The following COL28A1 variants were observed in gnomAD, a reference collection of about 807,000 sequenced individuals.
The protein encoded by COL28A1 is collagen type XXVIII alpha 1 chain.
COL28A1 carries 161 observed loss-of-function variants against 150.2 expected under a neutral mutation model. The observed-to-expected ratio is 1.07, with a 90% confidence interval of 0.94 to 1.22. COL28A1 has a LOEUF of 1.22. Among genes scored for constraint, COL28A1 ranks in the 50% most tolerant of loss-of-function variants. COL28A1 has a pLI of 0.00. For missense variants in COL28A1, 1,617 were observed against 1,388.3 expected (o/e 1.16, Z -2.62); for synonymous variants, 552 against 469.7 (o/e 1.18, Z -2.26).
intron 33 of COL28A1, among the ~76,000 whole-genome samples, chr7:7,368,803 C>T (rs981228260): frequency 6.6e-6 from 1 of 152,194 alleles, no homozygotes; most frequent in Non-Finnish European, 1.5e-5. Flanking sequence ...GCCACTCAGT[C>T]TATGGTATTT....
chr7:7,500,751 GT>G (rs1780476021), intron 11 of COL28A1, among the ~76,000 whole-genome samples: 1 of 151,834 alleles, frequency 6.6e-6, no homozygotes, highest in African/African-American at 2.4e-5. Context: ...TCTAGCTCTT[GT>G]TTACTGAATC....
chr7:7,341,056 C>T, the COL28A1 span, among the ~76,000 whole-genome samples: 1 of 152,160 alleles, frequency 6.6e-6, no homozygotes, highest in Non-Finnish European at 1.5e-5. Context: ...CAGTCATCAC[C>T]TCTGTGTGCT....
At chr7:7,529,328 A>G (rs1207366242) in intron 3 of COL28A1, among the ~76,000 whole-genome samples, 3 of 150,924 alleles carry the variant, frequency 2.0e-5, no homozygotes, top group Non-Finnish European at 1.5e-5. Flanking sequence ...TGCCTTCTAG[A>G]TGGTGGCAAT....
intron 13 of COL28A1, among the ~76,000 whole-genome samples, chr7:7,484,217 A>G (rs1288043617): frequency 6.6e-6 from 1 of 152,200 alleles, no homozygotes; most frequent in Non-Finnish European, 1.5e-5. Flanking sequence ...TAAAGCAAAA[A>G]TGAATTACTA....
intron 27 of COL28A1, among the ~76,000 whole-genome samples, chr7:7,388,435 T>C (rs1005468934): frequency 2.0e-5 from 3 of 152,166 alleles, no homozygotes; most frequent in Admixed American, 2.0e-4. Flanking sequence ...GTTGGTTCCA[T>C]GCCTTTGCTA....
At chr7:7,430,080 T>C (rs1364956452) in intron 25 of COL28A1, among the ~76,000 whole-genome samples, 2 of 152,242 alleles carry the variant, frequency 1.3e-5, no homozygotes, top group Non-Finnish European at 2.9e-5. Flanking sequence ...TTTTAGTCTG[T>C]ATCTTAGATA....
In COL28A1 at chr7:7,440,840, T is replaced by A. The variant is rs1785718970; in HGVS notation, c.1672A>T (p.Ser558Cys). ...CCCCTCTGTCCTTGATTTCCTTTGC[T>A]CCCTTTCTTGCCTTCGTCACCCTAA... ...GPKGDEGKKG[S>C]KGNQGQRGLP... The change falls in exon 21 of 35, where the codon AGC becomes TGC. Residue 558 changes from serine to cysteine, a missense_variant. Transcript: ENST00000399429. The A allele has an allele frequency of 1.2e-5, 18 of 1,551,684 alleles. No homozygotes were observed. In the East Asian group the frequency reaches 4.0e-4, roughly 35 times the overall value.
rs2128317605 is a variant in COL28A1, at chr7:7,437,527, G to C, written c.1723-65C>G. On this transcript the variant is annotated intron_variant, in intron 21 of 34. Coordinates refer to ENST00000399429, the MANE Select transcript of COL28A1 (RefSeq NM_001037763.3). ...AAAGCACATATAGAGACAATATTAAGAAAAGTACAGAAATGTCTGCAGATT... is the reference window on the plus strand; with the variant it reads ...AAAGCACATATAGAGACAATATTAACAAAAGTACAGAAATGTCTGCAGATT... 2.0e-6 allele frequency: 3 copies of C among 1,536,712 alleles called. No homozygotes were observed. The South Asian group carries it at 3.8e-5, about 20-fold the overall frequency.
In COL28A1 at chr7:7,484,404, C is replaced by A. The variant is rs535643462; in HGVS notation, c.1164+4985G>T. On this transcript the variant is annotated intron_variant, in intron 13 of 34. Transcript: ENST00000399429. ...ACTGCTAACATATTTTTACTGAAAA[C>A]ATCTTCTGAAAGAAGTATTTATTGA... Among the ~76,000 whole-genome samples the A allele has an allele frequency of 5.3e-5, 8 of 152,006 alleles. No homozygotes were observed. The South Asian group carries it at 1.7e-3, about 32-fold the overall frequency.
chr7:7,370,746 A>G lies in COL28A1; in HGVS notation c.3045T>C (p.Pro1015=). 1.2e-6 allele frequency: 2 copies of G among 1,610,650 alleles called. No homozygotes were observed. The highest frequency in any genetic ancestry group is 1.7e-6 in the Non-Finnish European group (2 of 1,179,120). Residue 1015 remains proline, a synonymous_variant, in exon 33 of 35, where the codon CCT becomes CCC. Coordinates refer to ENST00000399429, the MANE Select transcript of COL28A1 (RefSeq NM_001037763.3). ...GEELSESTPE[P]QKEISESLSV... The stretch of plus-strand genomic sequence containing the variant: ...TTACTGACTCAGAAATTTCTTTTTG[A>G]GGCTCTGGAGTAGATTCACTGAGTT...
At chr7:7,476,054 G>C (rs552824179) in intron 14 of COL28A1, among the ~76,000 whole-genome samples, 2 of 152,284 alleles carry the variant, frequency 1.3e-5, no homozygotes, top group Non-Finnish European at 2.9e-5. Context: ...GATCATGGTG[G>C]AAGAAGCTGA....
At chr7:7,433,502 C>T (rs867764271) in intron 23 of COL28A1, among the ~76,000 whole-genome samples, 54 of 151,820 alleles carry the variant, frequency 3.6e-4, no homozygotes, top group African/African-American at 1.3e-3. Context: ...GGCATGGTGG[C>T]GGGTGCCTGT....
At chr7:7,426,514 A>C (rs763769639) in intron 25 of COL28A1, among the ~76,000 whole-genome samples, 13 of 152,330 alleles carry the variant, frequency 8.5e-5, no homozygotes, top group Non-Finnish European at 1.3e-4. Context: ...GACACCCTTT[A>C]ATATGAATAG....
the COL28A1 span, among the ~76,000 whole-genome samples, chr7:7,542,262 T>G: frequency 1.1e-4 from 17 of 152,268 alleles, no homozygotes; most frequent in African/African-American, 4.1e-4. Flanking sequence ...GCAGGAGAAT[T>G]GCTTGAACCA....
downstream of COL28A1, among the ~76,000 whole-genome samples, chr7:7,351,747 ATGTGTGTGTG>A (rs921044388): frequency 3.9e-5 from 6 of 151,956 alleles, no homozygotes; most frequent in Non-Finnish European, 8.8e-5. Context: ...ACAAAATGTC[ATGTGTGTGTG>A]TATGTGTGTG....
Position 7,427,289 on chromosome 7 carries a change from T to G in COL28A1, c.1998+5184A>C, listed in dbSNP as rs147707610. ...AACTGCCTAGGGTCTAAACTTTGTA[T>G]GGCTCTGGCTTTAATTAGTTCTGTT... On this transcript the variant is annotated intron_variant, in intron 25 of 34. Coordinates refer to ENST00000399429, the MANE Select transcript of COL28A1 (RefSeq NM_001037763.3). 1.4e-3 allele frequency among the ~76,000 whole-genome samples: 207 copies of G among 152,310 alleles called. 2 individuals carry two copies. The highest frequency in any genetic ancestry group is 4.5e-3 in the African/African-American group (189 of 41,568).
chr7:7,487,098 G>A (rs1019549094), intron 13 of COL28A1, among the ~76,000 whole-genome samples: 3 of 152,088 alleles, frequency 2.0e-5, no homozygotes, highest in Non-Finnish European at 4.4e-5. Context: ...CTACCTGGCG[G>A]AGGTTTACCA....
intron 27 of COL28A1, among the ~76,000 whole-genome samples, chr7:7,391,512 G>C (rs1041345514): frequency 1.3e-5 from 2 of 152,166 alleles, no homozygotes; most frequent in Non-Finnish European, 2.9e-5. Context: ...CCAGAGCTGA[G>C]TTCATGTCCA....
chr7:7,510,351 C>T (rs1006671066), intron 9 of COL28A1, among the ~76,000 whole-genome samples: 5 of 152,180 alleles, frequency 3.3e-5, no homozygotes, highest in Admixed American at 2.0e-4. Flanking sequence ...GTGGCACGAT[C>T]TTGGCTCACT....
Sources: gnomAD v4.1 joint callset for allele counts (sites outside exome capture counted in the v4.1 genomes callset) on GRCh38, gnomAD v4.1.1 for gene constraint, MANE v1.5 for transcripts, NCBI Gene and HGNC (gene_info 2026-07-23, HGNC 2026-07-21) for gene names.